PGPEP1L: variants seen among roughly 807,000 people sequenced by gnomAD.
PGPEP1L encodes the protein pyroglutamyl-peptidase I like.
Under a neutral mutation model 6.0 loss-of-function variants are expected in PGPEP1L, and 7 were observed. The ratio of observed to expected loss-of-function variants is 1.17; its 90% CI spans 0.66 to 2.19. PGPEP1L has a LOEUF of 2.19. PGPEP1L is among the 30% of genes most tolerant of loss of function. The pLI, the probability that PGPEP1L is intolerant of heterozygous loss-of-function variation, is 0.00. For synonymous variants in PGPEP1L, 103 were observed against 83.9 expected, an observed-to-expected ratio of 1.23 and a Z score of -1.24; for missense variants, 209 against 192.5, an observed-to-expected ratio of 1.09 and a Z score of -0.51.
intron 2 of PGPEP1L, among the ~76,000 whole-genome samples, chr15:98,981,352 T>C (rs975747999): frequency 8.6e-5 from 13 of 150,990 alleles, no homozygotes; most frequent in South Asian, 8.3e-4. Context: ...TAGCCGGGCG[T>C]GCTGGCGGGC....
At chr15:98,990,336 T>TA in intron 2 of PGPEP1L, among the ~76,000 whole-genome samples, 1 of 151,832 alleles carries the variant, frequency 6.6e-6, no homozygotes, top group East Asian at 1.9e-4. Context: ...AAAGAGACTT[T>TA]AAACCAACAA....
At chr15:98,992,903 G>A (rs1261615883) in intron 2 of PGPEP1L, among the ~76,000 whole-genome samples, 1 of 152,170 alleles carries the variant, frequency 6.6e-6, no homozygotes, top group Non-Finnish European at 1.5e-5. Flanking sequence ...TATGCAGAAA[G>A]CTGAAACTGG....
At chr15:98,987,612 T>C (rs1426116401) in intron 2 of PGPEP1L, among the ~76,000 whole-genome samples, 2 of 152,184 alleles carry the variant, frequency 1.3e-5, no homozygotes, top group East Asian at 3.8e-4. Flanking sequence ...TCTCTATGAC[T>C]GAAGCTTTGT....
intron 2 of PGPEP1L, among the ~76,000 whole-genome samples, chr15:98,973,886 G>A (rs948119923): frequency 1.3e-5 from 2 of 151,992 alleles, no homozygotes; most frequent in South Asian, 4.2e-4. Context: ...AACTAAAAAA[G>A]CAATACAAAA....
At chr15:98,989,155 G>T (rs1261905627) in intron 2 of PGPEP1L, among the ~76,000 whole-genome samples, 1 of 152,180 alleles carries the variant, frequency 6.6e-6, no homozygotes, top group Non-Finnish European at 1.5e-5. Context: ...ACAGAAGTAG[G>T]CTTCACAAGG....
At chr15:99,002,414 G>C (rs2017985899) in intron 2 of PGPEP1L, among the ~76,000 whole-genome samples, 2 of 152,188 alleles carry the variant, frequency 1.3e-5, no homozygotes, top group Admixed American at 1.3e-4. Flanking sequence ...GCACGAGTGA[G>C]CTTTGTGGTG....
At chr15:99,001,085 C>G (rs552237385) in intron 2 of PGPEP1L, 3 of 386,494 alleles carry the variant, frequency 7.8e-6, no homozygotes, top group African/African-American at 6.5e-5. Flanking sequence ...CCTGAGCCAG[C>G]AAGACCATGA....
chr15:98,996,618 TGC>T (rs1555472522), intron 2 of PGPEP1L, among the ~76,000 whole-genome samples: 3 of 83,074 alleles, frequency 3.6e-5, no homozygotes, highest in Non-Finnish European at 7.1e-5. Flanking sequence ...TGTATATGCC[TGC>T]GTGTATGTGT....
rs200602348 is a variant in PGPEP1L at position 98,971,062 on chromosome 15, C to A, written c.-45G>T. The A allele has an allele frequency of 1.2e-5, 20 of 1,613,696 alleles. No homozygotes were observed. The highest frequency in any genetic ancestry group is 1.7e-5 in the Non-Finnish European group (20 of 1,179,826). On this transcript the variant is annotated 5_prime_UTR_variant, in exon 3 of 5. Coordinates refer to ENST00000535714, the MANE Select transcript of PGPEP1L (RefSeq NM_001167902.2). ...TGCGGCTGATGATCTTCCCAGATTC[C>A]GGTGACCCTCCGCTTAGCCTCCCTG...
chr15:98,993,906 C>A (rs192737698), intron 2 of PGPEP1L, among the ~76,000 whole-genome samples: 1 of 152,008 alleles, frequency 6.6e-6, no homozygotes, highest in Non-Finnish European at 1.5e-5. Flanking sequence ...TTTTGCCATA[C>A]ATATATAATT....
chr15:99,006,842 C>T (rs1295037063), intron 1 of PGPEP1L, among the ~76,000 whole-genome samples: 1 of 151,792 alleles, frequency 6.6e-6, no homozygotes. Context: ...ATACTTTTTT[C>T]CTGAAGCTGT....
chr15:98,999,706 C>A (rs1555472765), intron 2 of PGPEP1L, among the ~76,000 whole-genome samples: 1 of 152,238 alleles, frequency 6.6e-6, no homozygotes, highest in East Asian at 1.9e-4. Context: ...TCAAACCAAT[C>A]ATGGTTCACC....
intron 2 of PGPEP1L, among the ~76,000 whole-genome samples, chr15:98,999,891 TCCTTGCAGC>T (rs2017936283): frequency 1.3e-5 from 2 of 152,276 alleles, no homozygotes; most frequent in South Asian, 2.1e-4. Context: ...ATGCTGGCAG[TCCTTGCAGC>T]CCTTGCGCAC....
At chr15:98,976,297 T>A (rs1209942677) in intron 2 of PGPEP1L, among the ~76,000 whole-genome samples, 4 of 152,256 alleles carry the variant, frequency 2.6e-5, no homozygotes, top group African/African-American at 9.6e-5. Flanking sequence ...CAACATTTTT[T>A]AACCTGACTA....
chr15:99,000,475 G>C (rs536282207), intron 2 of PGPEP1L, among the ~76,000 whole-genome samples: 1 of 152,344 alleles, frequency 6.6e-6, no homozygotes, highest in African/African-American at 2.4e-5. Flanking sequence ...CCTGAGTCTG[G>C]TGGGGATGGA....
At chr15:99,001,365 C>A (rs970166423) in intron 2 of PGPEP1L, 2 of 210,306 alleles carry the variant, frequency 9.5e-6, no homozygotes, top group Admixed American at 5.8e-5. Flanking sequence ...TCTATAGGGA[C>A]AAAGTATATT....
Position 98,971,066 on chromosome 15 carries a change from G to A in PGPEP1L, c.-49C>T. 1 of 1,613,732 alleles carries A rather than the reference G, an allele frequency of 6.2e-7. No homozygotes were observed. Among genetic ancestry groups the A allele is most frequent in the South Asian group, 1.1e-5 (1 of 91,056 alleles). On this transcript the variant is annotated 5_prime_UTR_variant, in exon 3 of 5. Coordinates refer to ENST00000535714, the MANE Select transcript of PGPEP1L (RefSeq NM_001167902.2). ...GCTGATGATCTTCCCAGATTCCGGT[G>A]ACCCTCCGCTTAGCCTCCCTGTAAT...
chr15:98,993,940 T>C (rs2017853243), intron 2 of PGPEP1L, among the ~76,000 whole-genome samples: 1 of 152,178 alleles, frequency 6.6e-6, no homozygotes, highest in African/African-American at 2.4e-5. Flanking sequence ...AGCTGATATC[T>C]GGATGCCTGT....
chr15:99,002,954 G>C (rs1308822912), intron 2 of PGPEP1L, among the ~76,000 whole-genome samples: 1 of 152,120 alleles, frequency 6.6e-6, no homozygotes, highest in Non-Finnish European at 1.5e-5. Flanking sequence ...TTTAGACTAG[G>C]AACCAGTTCT....
Sources: gnomAD v4.1 joint callset for allele counts (sites outside exome capture counted in the v4.1 genomes callset) on GRCh38, gnomAD v4.1.1 for gene constraint, MANE v1.5 for transcripts, NCBI Gene and HGNC (gene_info 2026-07-23, HGNC 2026-07-21) for gene names.